Variants in ARMH1 observed in about 807,000 individuals in gnomAD.
ARMH1 encodes armadillo-like helical domain containing protein 1.
A neutral mutation model predicts 50.2 loss-of-function variants in ARMH1; 34 were observed. The ratio of observed to expected loss-of-function variants is 0.68; its 90% CI spans 0.51 to 0.90. The LOEUF (loss-of-function observed/expected upper bound fraction) is 0.90. ARMH1 is among the 40% of genes least tolerant of loss of function. The pLI is 0.00. For synonymous variants in ARMH1, 221 were observed against 224.2 expected, an observed-to-expected ratio of 0.99 and a Z score of 0.13; for missense variants, 538 against 553.9, an observed-to-expected ratio of 0.97 and a Z score of 0.29.
chr1:44,693,884 T>A (rs1645739866), intron 2 of ARMH1, among the ~76,000 whole-genome samples: 1 of 152,148 alleles, frequency 6.6e-6, no homozygotes, highest in Non-Finnish European at 1.5e-5. Flanking sequence ...CTCACCCTAG[T>A]CCTGGCCTTG....
chr1:44,696,998 C>A, intron 2 of ARMH1, 104 bp from the exon 3 acceptor site: 1 of 781,096 alleles, frequency 1.3e-6, no homozygotes, highest in Non-Finnish European at 2.2e-6. Context: ...CACAGTTCAG[C>A]TACTTGGCCA....
Position 44,681,686 on chromosome 1 carries a change from AAGAAG to A in ARMH1, c.-23+6816_-23+6820del, listed in dbSNP as rs1645318945. On this transcript the variant is annotated intron_variant, in intron 1 of 11. Coordinates refer to ENST00000535358, the MANE Select transcript of ARMH1 (RefSeq NM_001145636.2). The surrounding 1 kb of genome is among the most constrained non-coding windows in gnomAD (Gnocchi z 4.3). ...GGATGGATGTGGATAGAGATGAAGAAAGAAGAGGAGTATGACGACATTCTTACCTA... is the reference window on the plus strand; with the variant it reads ...GGATGGATGTGGATAGAGATGAAGAAAGGAGTATGACGACATTCTTACCTA... 6.6e-6 allele frequency among the ~76,000 whole-genome samples: 1 copy of A among 152,146 alleles called. No homozygotes were observed.
intron 4 of ARMH1, among the ~76,000 whole-genome samples, chr1:44,698,606 T>C (rs1645910072): frequency 6.8e-6 from 1 of 146,840 alleles, no homozygotes; most frequent in Non-Finnish European, 1.5e-5. Context: ...AGGTCAGGAG[T>C]TTGAGACCAG....
chr1:44,719,614 T>C (rs1270550017), intron 6 of ARMH1, among the ~76,000 whole-genome samples: 10 of 152,222 alleles, frequency 6.6e-5, no homozygotes, highest in African/African-American at 2.4e-4. Context: ...CTGACAAAGT[T>C]AGAAATCGCC....
chr1:44,699,910 A>G (rs2148658558), intron 4 of ARMH1, among the ~76,000 whole-genome samples: 1 of 149,990 alleles, frequency 6.7e-6, no homozygotes, highest in South Asian at 2.1e-4. Context: ...GCTCACTACA[A>G]CCTCCACCTC....
In ARMH1 at chr1:44,682,455, T is replaced by G. The variant is rs1328937062; in HGVS notation, c.-22-7221T>G. 6.6e-6 allele frequency among the ~76,000 whole-genome samples: 1 copy of G among 151,968 alleles called. No individual in the cohort carries two copies. Among genetic ancestry groups the G allele is most frequent in the African/African-American group, 2.4e-5 (1 of 41,358 alleles). ...ATAGTGGGCAGCCCCCTTCCTGATT[T>G]AGAAGCAGCAGCAGCATGGGTTGAG... is the stretch of plus-strand genomic sequence containing the variant. On this transcript the variant is annotated intron_variant, in intron 1 of 11. Transcript: ENST00000535358. This position sits in a 1 kb window ranked among gnomAD's most constrained non-coding sequence, Gnocchi z 4.5.
intron 6 of ARMH1, among the ~76,000 whole-genome samples, chr1:44,718,814 C>A (rs903099254): frequency 6.6e-6 from 1 of 151,984 alleles, no homozygotes; most frequent in Non-Finnish European, 1.5e-5. Flanking sequence ...CACCTGAAGT[C>A]GGGAGTTCAA....
chr1:44,685,636 T>C (rs1645445237), intron 1 of ARMH1, among the ~76,000 whole-genome samples: 1 of 148,294 alleles, frequency 6.7e-6, no homozygotes, highest in Non-Finnish European at 1.5e-5. Flanking sequence ...TTTTTTTTCT[T>C]TTTTTTTTTT....
chr1:44,719,390 C>T (rs1646991190), intron 6 of ARMH1, among the ~76,000 whole-genome samples: 1 of 152,150 alleles, frequency 6.6e-6, no homozygotes, highest in African/African-American at 2.4e-5. Context: ...CTTTCCATGC[C>T]TTTCCTTAGA....
Position 44,724,549 on chromosome 1 carries a change from C to G in ARMH1, c.931C>G (p.Arg311Gly). Residue 311 changes from arginine (R) to glycine (G), a missense_variant, in exon 9 of 12, where the codon CGC becomes GGC. By Grantham distance (125) the Arg-to-Gly change is moderately radical. Coordinates refer to ENST00000535358, the MANE Select transcript of ARMH1 (RefSeq NM_001145636.2). This position sits in a 1 kb window ranked among gnomAD's most constrained non-coding sequence, Gnocchi z 6.4. ...AAAKAIGVLA[R>G]NDMSIAEELL... Reference sequence around the variant, plus strand: ...GAACCCCCGGCCCAGGGTCCTGGCGCGCAACGACATGAGCATCGCCGAGGA... The same window carrying G: ...GAACCCCCGGCCCAGGGTCCTGGCGGGCAACGACATGAGCATCGCCGAGGA... 1 of 1,510,998 alleles carries G rather than the reference C, an allele frequency of 6.6e-7. No homozygotes were observed. The highest frequency in any genetic ancestry group is 8.8e-7 in the Non-Finnish European group (1 of 1,132,648). 93.6% of individuals were successfully genotyped at this position (1,510,998 alleles called of 1,614,324 possible).
At chr1:44,702,724 A>G (rs1179337770) in intron 5 of ARMH1, among the ~76,000 whole-genome samples, 6 of 151,554 alleles carry the variant, frequency 4.0e-5, no homozygotes, top group Admixed American at 1.3e-4. Flanking sequence ...AAAAAAAAAA[A>G]AAAAGAAAAG....
At chr1:44,721,577 C>T (rs1647141378) in intron 6 of ARMH1, among the ~76,000 whole-genome samples, 3 of 152,070 alleles carry the variant, frequency 2.0e-5, no homozygotes, top group South Asian at 2.1e-4. Context: ...AAAAACATGA[C>T]AGTAGGCCGG....
At chr1:44,716,622 C>T (rs1646860970) in intron 6 of ARMH1, among the ~76,000 whole-genome samples, 1 of 152,150 alleles carries the variant, frequency 6.6e-6, no homozygotes, top group Non-Finnish European at 1.5e-5. Context: ...CTAACAAGAC[C>T]AGTCAATTCT....
intron 6 of ARMH1, among the ~76,000 whole-genome samples, chr1:44,715,074 C>T (rs1280959128): frequency 6.6e-6 from 1 of 152,116 alleles, no homozygotes; most frequent in African/African-American, 2.4e-5. Flanking sequence ...GTGCAACATG[C>T]TAAACACGTT....
chr1:44,695,127 G>T (rs1054342581), intron 2 of ARMH1, among the ~76,000 whole-genome samples: 2 of 152,142 alleles, frequency 1.3e-5, no homozygotes, highest in Non-Finnish European at 2.9e-5. Flanking sequence ...AAGCCAGAAG[G>T]CCTAACAGTA....
chr1:44,725,179 C>T lies in ARMH1; in HGVS notation c.1172C>T (p.Ala391Val), dbSNP rs1444023945. Reference sequence around the variant, plus strand: ...TACATGAAAATAGACAGCATTCAGGCGGACATCTTGGCGGCCAACACAGTC... The same window carrying T: ...TACATGAAAATAGACAGCATTCAGGTGGACATCTTGGCGGCCAACACAGTC... ...DLYMKIDSIQADILAANTVNV... is the reference protein window; with the variant it reads ...DLYMKIDSIQVDILAANTVNV... The change falls in exon 11 of 12, where the codon GCG (alanine) becomes GTG (valine). Residue 391 changes from alanine (A) to valine (V), a missense_variant. Coordinates refer to ENST00000535358, the MANE Select transcript of ARMH1 (RefSeq NM_001145636.2). 3.2e-6 allele frequency: 5 copies of T among 1,551,908 alleles called. No homozygotes were observed. The highest frequency in any genetic ancestry group is 3.9e-5 in the Admixed American group (2 of 50,994).
intron 6 of ARMH1, among the ~76,000 whole-genome samples, chr1:44,712,379 A>G (rs1441655348): frequency 6.6e-6 from 1 of 151,998 alleles, no homozygotes; most frequent in Non-Finnish European, 1.5e-5. Flanking sequence ...AATCACTTGA[A>G]CCTGGGAGGC....
At chr1:44,700,350 G>T (rs769832326) in intron 4 of ARMH1, among the ~76,000 whole-genome samples, 13 of 152,274 alleles carry the variant, frequency 8.5e-5, no homozygotes, top group South Asian at 2.1e-4. Context: ...GGGCGCCGTG[G>T]CTCACGCCTC....
At position 44,689,727 on chromosome 1, in the gene ARMH1, TAGC is replaced by T; in HGVS notation, c.33_35del (p.Ser11del). 1.3e-6 allele frequency: 2 copies of T among 1,552,014 alleles called. No individual in the cohort carries two copies. Among genetic ancestry groups the T allele is most frequent in the Non-Finnish European group, 1.7e-6 (2 of 1,147,042 alleles). The stretch of plus-strand genomic sequence containing the variant: ...CTTCTATAAAGGAGCAGGCAGCAAT[TAGC>T]AGGCTCTTAAGTTTTTTACAGGAGT... On this transcript the variant is annotated inframe_deletion, in exon 2 of 12. Transcript: ENST00000535358.
Sources: gnomAD v4.1 joint callset for allele counts (sites outside exome capture counted in the v4.1 genomes callset) on GRCh38, gnomAD v4.1.1 for gene constraint, Gnocchi (gnomAD v3.1) non-coding constraint, MANE v1.5 for transcripts, NCBI Gene and HGNC (gene_info 2026-07-23, HGNC 2026-07-21) for gene names.